SUPT3H: variants seen among roughly 807,000 people sequenced by gnomAD.
The protein encoded by SUPT3H is transcription initiation protein SPT3 homolog.
In SUPT3H, 44 loss-of-function variants were observed where a neutral mutation model predicts 44.3. The observed-to-expected ratio is 0.99, with a 90% CI of 0.78 to 1.28. The LOEUF is 1.28. SUPT3H is among the 50% of genes most tolerant of loss of function. SUPT3H has a pLI of 0.00. For synonymous variants in SUPT3H, 124 were observed against 125.6 expected, an observed-to-expected ratio of 0.99 and a Z score of 0.09; for missense variants, 380 against 387.1, an observed-to-expected ratio of 0.98 and a Z score of 0.15.
intron 10 of SUPT3H, among the ~76,000 whole-genome samples, chr6:44,905,121 A>C (rs1765779231): frequency 6.6e-6 from 1 of 152,170 alleles, no homozygotes; most frequent in Admixed American, 6.5e-5. Context: ...CAAGGACTTC[A>C]TGTCTAAAAC....
At chr6:44,815,041 A>G (rs549325399) in intron 11 of SUPT3H, among the ~76,000 whole-genome samples, 6 of 152,224 alleles carry the variant, frequency 3.9e-5, no homozygotes, top group East Asian at 1.9e-4. Flanking sequence ...AAGTGTTACT[A>G]TAGGTTACAA....
At chr6:45,016,211 C>T (rs1390734582) in intron 4 of SUPT3H, among the ~76,000 whole-genome samples, 1 of 152,088 alleles carries the variant, frequency 6.6e-6, no homozygotes, top group Non-Finnish European at 1.5e-5. Flanking sequence ...TACAACATCA[C>T]TTGATAATTG....
At position 45,288,587 on chromosome 6, in the gene SUPT3H, ATATATATATGTGTATATATATATATG is replaced by A. The variant is rs1562882775; in HGVS notation, c.101+76588_101+76613del. On this transcript the variant is annotated intron_variant, in intron 2 of 10. Coordinates refer to ENST00000371459, the MANE Select transcript of SUPT3H (RefSeq NM_003599.4). ...TATGTATATATATATATATATGTAT[ATATATATATGTGTATATATATATATG>A]TATATATATATATATATATATAGCA... is the stretch of plus-strand genomic sequence containing the variant. 5.0e-3 allele frequency among the ~76,000 whole-genome samples: 182 copies of A among 36,176 alleles called. 2 individuals are homozygous for A. Among genetic ancestry groups the A allele is most frequent in the East Asian group, 0.01 (9 of 890 alleles). 23.7% of individuals were successfully genotyped at this position (36,176 alleles called of 152,430 possible). A position where few individuals can be genotyped will look rare whatever the true frequency, so the allele number is the denominator to read the frequency against.
chr6:45,351,236 G>A (rs889835933), intron 2 of SUPT3H, among the ~76,000 whole-genome samples: 1 of 151,998 alleles, frequency 6.6e-6, no homozygotes, highest in Non-Finnish European at 1.5e-5. Flanking sequence ...AACACTTCAA[G>A]TATACAACTC....
intron 2 of SUPT3H, among the ~76,000 whole-genome samples, chr6:45,344,873 A>G (rs1281786849): frequency 6.6e-6 from 1 of 152,210 alleles, no homozygotes; most frequent in Non-Finnish European, 1.5e-5. Flanking sequence ...CTAATGGTAC[A>G]GAATTTTTAA....
chr6:45,046,414 T>C (rs1041433623), intron 3 of SUPT3H, among the ~76,000 whole-genome samples: 6 of 152,174 alleles, frequency 3.9e-5, no homozygotes, highest in Admixed American at 6.5e-5. Flanking sequence ...CACTGCAACC[T>C]CCGCCTGCCA....
intron 10 of SUPT3H, among the ~76,000 whole-genome samples, chr6:44,921,164 G>A (rs1768661941): frequency 6.6e-6 from 1 of 152,142 alleles, no homozygotes; most frequent in Non-Finnish European, 1.5e-5. Context: ...CATGCTTATT[G>A]AATAAATGCA....
chr6:45,016,377 G>A (rs1484076491), intron 4 of SUPT3H, among the ~76,000 whole-genome samples: 3 of 149,614 alleles, frequency 2.0e-5, no homozygotes, highest in African/African-American at 7.4e-5. Context: ...TTAAGTTTTA[G>A]GGTACATGTG....
At chr6:45,288,421 A>G (rs1779662955) in intron 2 of SUPT3H, among the ~76,000 whole-genome samples, 1 of 151,812 alleles carries the variant, frequency 6.6e-6, no homozygotes, top group African/African-American at 2.4e-5. Context: ...CATAATAACT[A>G]TGCAATGCTG....
chr6:45,281,483 C>T (rs1344316635), intron 2 of SUPT3H, among the ~76,000 whole-genome samples: 1 of 152,188 alleles, frequency 6.6e-6, no homozygotes, highest in East Asian at 1.9e-4. Context: ...CCCACAAAGC[C>T]TCGCTCATTG....
chr6:45,246,899 C>G (rs988808293), intron 2 of SUPT3H, among the ~76,000 whole-genome samples: 5 of 152,238 alleles, frequency 3.3e-5, no homozygotes, highest in African/African-American at 1.2e-4. Context: ...AAGTCAATAA[C>G]CAAACCTTCC....
intron 2 of SUPT3H, among the ~76,000 whole-genome samples, chr6:45,357,107 C>T (rs9472466): frequency 0.18 from 27,317 of 151,810 alleles, 3,808 homozygotes; most frequent in African/African-American, 0.39. Context: ...CCTGGGTTCA[C>T]GCCATTCTCC....
At chr6:45,069,748 C>T (rs1438055082) in intron 3 of SUPT3H, among the ~76,000 whole-genome samples, 2 of 151,910 alleles carry the variant, frequency 1.3e-5, no homozygotes, top group African/African-American at 4.8e-5. Context: ...TTGCAGAGAA[C>T]TCTTATTTAT....
intron 3 of SUPT3H, among the ~76,000 whole-genome samples, chr6:45,051,921 G>T (rs1258433218): frequency 6.6e-6 from 1 of 152,134 alleles, no homozygotes; most frequent in African/African-American, 2.4e-5. Flanking sequence ...GGAATTAATG[G>T]CTGAAATAAA....
chr6:44,810,068 A>G (rs683225), intron 11 of SUPT3H, among the ~76,000 whole-genome samples: 150,430 of 152,322 alleles, frequency 0.99, 74,320 homozygotes, highest in East Asian at 1. Context: ...CAAACCGAGT[A>G]TACTTCTGTC....
intron 2 of SUPT3H, among the ~76,000 whole-genome samples, chr6:45,265,895 C>T (rs954760278): frequency 5.3e-5 from 8 of 151,960 alleles, no homozygotes; most frequent in Non-Finnish European, 1.0e-4. Flanking sequence ...TAAAATATAT[C>T]AAAATGTATC....
chr6:45,365,230 T>C lies in SUPT3H; in HGVS notation c.72A>G (p.Ile24Met). The C allele has an allele frequency of 6.2e-7, 1 of 1,612,036 alleles. No individual in the cohort carries two copies. Among genetic ancestry groups the C allele is most frequent in the Non-Finnish European group, 8.5e-7 (1 of 1,178,800 alleles). ...SSSGRSTGKS[I>M]SFATELQSMM... is the part of the protein sequence containing the mutation. Reference sequence around the variant, plus strand: ...TACTCTGTAATTCTGTTGCAAAGCTTATAGACTTCCCTGTACTCCTTCCAC... The same window carrying C: ...TACTCTGTAATTCTGTTGCAAAGCTCATAGACTTCCCTGTACTCCTTCCAC... The change falls in exon 2 of 11, where the codon ATA becomes ATG. Residue 24 changes from isoleucine to methionine, a missense_variant. By Grantham distance (10) the Ile-to-Met change is conservative (BLOSUM62 1). Transcript: ENST00000371459.
At chr6:45,101,161 C>T (rs1039988259) in intron 3 of SUPT3H, among the ~76,000 whole-genome samples, 1 of 152,242 alleles carries the variant, frequency 6.6e-6, no homozygotes, top group Admixed American at 6.5e-5. Context: ...CGCGGAGGCT[C>T]ACGCCTGTAA....
intron 3 of SUPT3H, among the ~76,000 whole-genome samples, chr6:45,072,441 C>T (rs912635606): frequency 3.3e-5 from 5 of 152,090 alleles, no homozygotes; most frequent in African/African-American, 1.2e-4. Context: ...ACTTTTGTAA[C>T]ATTTTAATAT....
Sources: allele counts gnomAD v4.1 joint callset (sites outside exome capture counted in the v4.1 genomes callset), GRCh38; gene constraint gnomAD v4.1.1; transcripts MANE v1.5; gene names NCBI Gene and HGNC (gene_info 2026-07-23, HGNC 2026-07-21).